SULT6B1: variants seen among roughly 807,000 people sequenced by gnomAD.
SULT6B1 encodes sulfotransferase 6B1.
In SULT6B1, 44 loss-of-function variants were observed where a neutral mutation model predicts 37.2. The ratio of observed to expected loss-of-function variants is 1.18; its 90% confidence interval spans 0.93 to 1.52. SULT6B1 has a LOEUF of 1.52. SULT6B1 is among the 40% of genes most tolerant of loss of function. SULT6B1 has a pLI of 0.00. For synonymous variants in SULT6B1, 140 were observed against 126.0 expected, an observed-to-expected ratio of 1.11 and a Z score of -0.74; for missense variants, 450 against 361.0, an observed-to-expected ratio of 1.25 and a Z score of -2.00.
intron 1 of SULT6B1, 55 bp from the exon 2 acceptor site, chr2:37,187,522 G>A: frequency 2.7e-6 from 3 of 1,103,062 alleles, no homozygotes; most frequent in Non-Finnish European, 1.3e-6. Context: ...TATAACAAAA[G>A]GACGTTACTT....
At chr2:37,171,327 AG>A (rs1180029307) in intron 6 of SULT6B1, 106 bp downstream of exon 6, 1 of 1,364,608 alleles carries the variant, frequency 7.3e-7, no homozygotes, top group African/African-American at 1.5e-5. Flanking sequence ...ACTGAGGCGG[AG>A]AAAAATAAAA....
chr2:37,175,645 TA>T (rs1676408555), intron 4 of SULT6B1, among the ~76,000 whole-genome samples: 1 of 152,162 alleles, frequency 6.6e-6, no homozygotes, highest in African/African-American at 2.4e-5. Flanking sequence ...TACGTAATTT[TA>T]AAAAACAAAA....
intron 6 of SULT6B1, among the ~76,000 whole-genome samples, chr2:37,168,438 G>C (rs1172539501): frequency 6.6e-6 from 1 of 152,156 alleles, no homozygotes; most frequent in Non-Finnish European, 1.5e-5. Context: ...GTACAGGCGT[G>C]AGCTACTGCG....
At chr2:37,181,213 A>G (rs1317026301) in intron 3 of SULT6B1, among the ~76,000 whole-genome samples, 1 of 152,170 alleles carries the variant, frequency 6.6e-6, no homozygotes, top group Non-Finnish European at 1.5e-5. Flanking sequence ...CAAATATAGT[A>G]GATTCTTGCC....
upstream of SULT6B1, among the ~76,000 whole-genome samples, chr2:37,189,153 C>T (rs1572467512): frequency 6.6e-6 from 1 of 152,292 alleles, no homozygotes; most frequent in Non-Finnish European, 1.5e-5. Context: ...TCAATAGATA[C>T]ACAAGTCTAA....
intron 4 of SULT6B1, among the ~76,000 whole-genome samples, chr2:37,178,790 T>C (rs1429608523): frequency 6.6e-6 from 1 of 152,174 alleles, no homozygotes; most frequent in African/African-American, 2.4e-5. Flanking sequence ...AGTGTCATGG[T>C]TTTTTAAAAA....
At position 37,194,116 on chromosome 2, in the gene SULT6B1, A is replaced by G. The variant is rs549627919; in HGVS notation, c.-22+2400T>C. 3.9e-5 allele frequency among the ~76,000 whole-genome samples: 6 copies of G among 152,120 alleles called. No homozygotes were observed. The South Asian group carries it at 1.0e-3, about 26-fold the overall frequency. ...CGTGAAAGAAATTTTATATTTATAT[A>G]GTTATATTTGATGTAGTTGAAGATT... On this transcript the variant is annotated intron_variant, in intron 1 of 7. Transcript: ENST00000407963.
chr2:37,169,190 G>C (rs1676242639), intron 6 of SULT6B1, among the ~76,000 whole-genome samples: 2 of 152,102 alleles, frequency 1.3e-5, no homozygotes, highest in African/African-American at 4.8e-5. Flanking sequence ...ATTAACAATA[G>C]ATAGAAAGGT....
chr2:37,171,706 C>T (rs1338597112), intron 5 of SULT6B1, 116 bp from the exon 6 acceptor site: 4 of 881,460 alleles, frequency 4.5e-6, no homozygotes, highest in African/African-American at 1.7e-5. Context: ...CATCTCATCC[C>T]CCACTTTAAA....
intron 4 of SULT6B1, among the ~76,000 whole-genome samples, chr2:37,178,192 G>T (rs1030557083): frequency 1.6e-4 from 25 of 152,074 alleles, no homozygotes; most frequent in African/African-American, 6.0e-4. Flanking sequence ...TTACAGGCAT[G>T]AGACACCATG....
chr2:37,174,157 CT>C lies in SULT6B1; in HGVS notation c.624+974del. On this transcript the variant is annotated intron_variant, in intron 5 of 6. Coordinates refer to ENST00000535679, the MANE Select transcript of SULT6B1 (RefSeq NM_001367551.1). Reference sequence around the variant, plus strand: ...CTTCCCCAGTTACCTACTTGGCTCACTCCCCCACTTCCCTCAGATCTTTGCT... The same window carrying C: ...CTTCCCCAGTTACCTACTTGGCTCACCCCCCACTTCCCTCAGATCTTTGCT... Among the ~76,000 whole-genome samples, 5 of 151,986 alleles carry C rather than the reference CT, an allele frequency of 3.3e-5. No homozygotes were observed. The East Asian group carries it at 9.6e-4, about 29-fold the overall frequency.
At chr2:37,168,642 T>C (rs975551779) in intron 6 of SULT6B1, among the ~76,000 whole-genome samples, 1 of 152,218 alleles carries the variant, frequency 6.6e-6, no homozygotes, top group Admixed American at 6.5e-5. Flanking sequence ...TTCCACTTTT[T>C]GAGAATGATA....
intron 5 of SULT6B1, among the ~76,000 whole-genome samples, chr2:37,174,523 T>C (rs1242673661): frequency 6.6e-6 from 1 of 152,152 alleles, no homozygotes; most frequent in Non-Finnish European, 1.5e-5. Flanking sequence ...CACTGGAATT[T>C]GTCCAATCCT....
chr2:37,193,638 AG>A, upstream of SULT6B1, among the ~76,000 whole-genome samples: 1 of 151,678 alleles, frequency 6.6e-6, no homozygotes, highest in East Asian at 1.9e-4. Flanking sequence ...AAGAAGAAGA[AG>A]AAGAAGAAGA....
intron 2 of SULT6B1, among the ~76,000 whole-genome samples, chr2:37,184,222 T>C (rs2148296673): frequency 6.6e-6 from 1 of 152,346 alleles, no homozygotes; most frequent in Non-Finnish European, 1.5e-5. Context: ...CCACAGTTCC[T>C]GCGAATCCAT....
chr2:37,193,425 G>A (rs1676821746), upstream of SULT6B1, among the ~76,000 whole-genome samples: 2 of 151,944 alleles, frequency 1.3e-5, no homozygotes, highest in Non-Finnish European at 2.9e-5. Flanking sequence ...TCGTGCCACT[G>A]CACTCCAGCC....
intron 6 of SULT6B1, among the ~76,000 whole-genome samples, chr2:37,170,162 C>G (rs953147510): frequency 2.6e-5 from 4 of 152,040 alleles, no homozygotes; most frequent in African/African-American, 9.7e-5. Flanking sequence ...GGAAAGTGGC[C>G]AATGAAATGT....
intron 4 of SULT6B1, 78 bp downstream of exon 4, chr2:37,179,380 C>A (rs758553232): frequency 3.8e-6 from 6 of 1,575,982 alleles, no homozygotes; most frequent in South Asian, 2.3e-5. Context: ...TCTTCCTTTA[C>A]CCTAAAACAC....
intron 4 of SULT6B1, among the ~76,000 whole-genome samples, chr2:37,177,562 CAG>C (rs1676459095): frequency 2.0e-5 from 3 of 151,800 alleles, no homozygotes; most frequent in Admixed American, 2.0e-4. Flanking sequence ...AATAGGGAGA[CAG>C]AAGTCAAAAG....
Sources: allele counts gnomAD v4.1 joint callset (sites outside exome capture counted in the v4.1 genomes callset), GRCh38; gene constraint gnomAD v4.1.1; transcripts MANE v1.5; gene names NCBI Gene and HGNC (gene_info 2026-07-23, HGNC 2026-07-21).